Variants in POLK observed in about 807,000 individuals in gnomAD.
The protein encoded by POLK is polymerase (DNA directed) kappa.
Under a neutral mutation model 94.0 loss-of-function variants are expected in POLK, and 76 were observed. The observed-to-expected ratio is 0.81, with a 90% CI of 0.67 to 0.98. The LOEUF (loss-of-function observed/expected upper bound fraction) is 0.98. POLK is among the 50% of genes least tolerant of loss of function. POLK has a pLI of 0.00. For synonymous variants in POLK, 349 were observed against 325.4 expected, an observed-to-expected ratio of 1.07 and a Z score of -0.78; for missense variants, 954 against 1,010.1, an observed-to-expected ratio of 0.94 and a Z score of 0.75.
At chr5:75,559,523 GTTTTT>G (rs775525619) in intron 3 of POLK, among the ~76,000 whole-genome samples, 2,687 of 54,478 alleles carry the variant, frequency 0.049, 45 homozygotes, top group African/African-American at 0.1. Flanking sequence ...GTTTTGTTTT[GTTTTT>G]TTTTTTTTTT....
Position 75,589,378 on chromosome 5 carries a change from T to TAC in POLK, c.1260-965_1260-964insCA, listed in dbSNP as rs1178926125. 2.9e-4 allele frequency among the ~76,000 whole-genome samples: 30 copies of TAC among 103,038 alleles called. 1 individual carries two copies. Among genetic ancestry groups the TAC allele is most frequent in the African/African-American group, 1.1e-3 (27 of 25,042 alleles). 67.6% of individuals were successfully genotyped at this position (103,038 alleles called of 152,430 possible). ...TCTTCTTGTTTGCTTATTTTATATA[T>TAC]ATACACACATACACACACACACACA... On this transcript the variant is annotated intron_variant, in intron 10 of 14. Transcript: ENST00000241436.
chr5:75,600,124 T>G (rs1055302176), exon 15 of POLK: 2 of 152,054 alleles, frequency 1.3e-5, no homozygotes, highest in African/African-American at 4.8e-5. Context: ...ATATAAATGA[T>G]CCCTATGAAT....
chr5:75,593,574 G>C (rs1660570101), intron 11 of POLK, among the ~76,000 whole-genome samples: 2 of 152,122 alleles, frequency 1.3e-5, no homozygotes, highest in Admixed American at 1.3e-4. Flanking sequence ...TATTCTGGTT[G>C]GGTGCAGTAG....
At chr5:75,537,445 C>G (rs1461931745) in intron 1 of POLK, among the ~76,000 whole-genome samples, 2 of 152,232 alleles carry the variant, frequency 1.3e-5, no homozygotes, top group African/African-American at 4.8e-5. Context: ...CTTCATTCCT[C>G]CGTGCTCTCT....
Position 75,599,487 on chromosome 5 carries a change from G to A in POLK, c.*1469G>A, listed in dbSNP as rs975091279. 4 of 151,888 alleles carry A rather than the reference G, an allele frequency of 2.6e-5. No individual in the cohort carries two copies. The East Asian group carries it at 7.7e-4, about 29-fold the overall frequency. The allele number at this position is 151,888 out of a possible 1,614,324, so 9.4% of individuals were successfully genotyped here. The stretch of plus-strand genomic sequence containing the variant: ...TTTAATTACTAGATTCTTCAAATTA[G>A]GCTTAATGCCTGCTAGCATGCCAAT... On this transcript the variant is annotated 3_prime_UTR_variant, in exon 15 of 15. Coordinates refer to ENST00000241436, the Ensembl canonical transcript of POLK.
At chr5:75,596,750 A>T in exon 13 of POLK, 1 of 1,612,986 alleles carries the variant, frequency 6.2e-7, no homozygotes, top group East Asian at 2.2e-5. Flanking sequence ...AAGCAAGATT[A>T]TGAAGCCCAT....
intron 1 of POLK, among the ~76,000 whole-genome samples, chr5:75,528,974 T>C (rs1332325244): frequency 6.6e-6 from 1 of 152,212 alleles, no homozygotes; most frequent in Non-Finnish European, 1.5e-5. Flanking sequence ...GTCCCTGATA[T>C]AAAATGGCAT....
At chr5:75,577,287 G>A (rs1402231402) in intron 6 of POLK, among the ~76,000 whole-genome samples, 1 of 152,116 alleles carries the variant, frequency 6.6e-6, no homozygotes, top group Non-Finnish European at 1.5e-5. Flanking sequence ...TTTTCTTGTT[G>A]TTAGAAAAGA....
chr5:75,557,885 G>T (rs976888295), intron 3 of POLK, among the ~76,000 whole-genome samples: 3 of 152,124 alleles, frequency 2.0e-5, no homozygotes, highest in African/African-American at 7.2e-5. Flanking sequence ...CTCTTCCTGG[G>T]TTCAAGCAAT....
intron 4 of POLK, among the ~76,000 whole-genome samples, chr5:75,571,271 A>C: frequency 6.6e-6 from 1 of 152,190 alleles, no homozygotes; most frequent in East Asian, 1.9e-4. Context: ...TCTACAAATT[A>C]ATGGGAGTGA....
chr5:75,568,797 T>C, intron 3 of POLK: 1 of 230,964 alleles, frequency 4.3e-6, no homozygotes, highest in South Asian at 4.6e-5. Context: ...AGAGGTACTA[T>C]ATTTTGTTGT....
At chr5:75,581,558 C>T (rs1451378408) in intron 7 of POLK, 110 bp downstream of exon 7, 2 of 913,282 alleles carry the variant, frequency 2.2e-6, no homozygotes, top group South Asian at 3.5e-5. Context: ...ATTTTACTTA[C>T]TTAGTCTTTC....
chr5:75,609,782 GATAAA>G, the POLK span: 5 of 152,130 alleles, frequency 3.3e-5, no homozygotes, highest in East Asian at 5.8e-4. Context: ...GCGGTGTTCT[GATAAA>G]ATAAATAATA....
At chr5:75,581,903 T>A in intron 7 of POLK, 1 of 216,744 alleles carries the variant, frequency 4.6e-6, no homozygotes, top group Non-Finnish European at 7.9e-6. Context: ...ATGGTCTCCA[T>A]ATCCTGACCT....
At chr5:75,512,127 C>T (rs1461644749) in intron 1 of POLK, 1 of 247,780 alleles carries the variant, frequency 4.0e-6, no homozygotes, top group African/African-American at 2.3e-5. Flanking sequence ...TGTCGAAAGC[C>T]CGGGAGCATC....
At chr5:75,576,724 A>T (rs566736269) in intron 5 of POLK, 56 bp from the exon 6 acceptor site, 19 of 881,360 alleles carry the variant, frequency 2.2e-5, no homozygotes, top group Non-Finnish European at 2.7e-5. Flanking sequence ...GCTACATATG[A>T]CAGAAGAAGT....
In POLK at chr5:75,597,724, T is replaced by G. The variant is rs376278320; in HGVS notation, c.2486-23T>G. ...ATTTCATATTATTCATTATGGAATT[T>G]CTTGACTTTCTTTCCTCTAAAGGTA... On this transcript the variant is annotated intron_variant, in intron 13 of 14. Coordinates refer to ENST00000241436, the Ensembl canonical transcript of POLK. 4.4e-6 allele frequency: 6 copies of G among 1,373,342 alleles called. No homozygotes were observed. In the African/African-American group the frequency reaches 9.0e-5, roughly 21 times the overall value. 85.1% of individuals were successfully genotyped at this position (1,373,342 alleles called of 1,614,324 possible). A position where few individuals can be genotyped will look rare whatever the true frequency, so the allele number is the denominator to read the frequency against.
Position 75,569,512 on chromosome 5 carries a change from A to G in POLK, c.408+20A>G, listed in dbSNP as rs1348281325. On this transcript the variant is annotated intron_variant, in intron 4 of 14. Transcript: ENST00000241436. ...ATGCTGGTAAGTAAAGATCAAATACAAAAAGGAAATTTTATAACGTACTCA... is the reference window on the plus strand; with the variant it reads ...ATGCTGGTAAGTAAAGATCAAATACGAAAAGGAAATTTTATAACGTACTCA... The G allele has an allele frequency of 6.3e-7, 1 of 1,590,070 alleles. No individual in the cohort carries two copies. The highest frequency in any genetic ancestry group is 1.8e-5 in the Admixed American group (1 of 55,658).
At chr5:75,532,873 G>T (rs1463985998) in intron 1 of POLK, among the ~76,000 whole-genome samples, 1 of 152,108 alleles carries the variant, frequency 6.6e-6, no homozygotes, top group African/African-American at 2.4e-5. Context: ...TGTTAGCCAC[G>T]TGTATGTCTT....
Sources: allele counts gnomAD v4.1 joint callset (sites outside exome capture counted in the v4.1 genomes callset), GRCh38; gene constraint gnomAD v4.1.1; transcripts MANE v1.5; gene names NCBI Gene and HGNC (gene_info 2026-07-23, HGNC 2026-07-21).